Variants in FAM169A observed in about 807,000 individuals in gnomAD.
FAM169A encodes the protein family with sequence similarity 169 member A.
Under a neutral mutation model 75.7 loss-of-function variants are expected in FAM169A, and 24 were observed. That is an observed-to-expected ratio of 0.32 (90% confidence interval 0.23 to 0.45). FAM169A has a LOEUF of 0.45. Among genes scored for constraint, FAM169A ranks in the 20% least tolerant of loss-of-function variants. The probability of loss-of-function intolerance (pLI) is 1.00; values close to 1 mark genes in which losing one functional copy is unlikely to be tolerated. For synonymous variants in FAM169A, 271 were observed against 271.0 expected, an observed-to-expected ratio of 1.00 and a Z score of 0.00; for missense variants, 673 against 784.0, an observed-to-expected ratio of 0.86 and a Z score of 1.69.
chr5:74,839,034 AAGGT>A lies in FAM169A; in HGVS notation c.245_248del (p.Tyr82LeufsTer12). 6.2e-7 allele frequency: 1 copy of A among 1,613,334 alleles called. No individual in the cohort carries two copies. The highest frequency in any genetic ancestry group is 1.1e-5 in the South Asian group (1 of 91,076). On this transcript the variant is annotated frameshift_variant, in exon 4 of 13. Transcript: ENST00000687041. LOFTEE classifies it high-confidence loss of function. ...CATCAATAGCCCACCACTGATCAGC[AAGGT>A]AAAGTGCCACAGCTAAAATAGAATA...
At chr5:74,827,303 TA>T (rs1748085030) in intron 5 of FAM169A, among the ~76,000 whole-genome samples, 1 of 152,176 alleles carries the variant, frequency 6.6e-6, no homozygotes, top group Non-Finnish European at 1.5e-5. Flanking sequence ...ATCAATCTGG[TA>T]ACTGTTACCA....
chr5:74,802,351 T>C (rs1296753902), intron 8 of FAM169A, among the ~76,000 whole-genome samples: 1 of 151,894 alleles, frequency 6.6e-6, no homozygotes, highest in Non-Finnish European at 1.5e-5. Context: ...GACAAAGTGA[T>C]ACTTTCGAAT....
intron 6 of FAM169A, among the ~76,000 whole-genome samples, chr5:74,806,888 C>G (rs530525245): frequency 6.6e-6 from 1 of 152,090 alleles, no homozygotes; most frequent in African/African-American, 2.4e-5. Flanking sequence ...TCTGAGTGGT[C>G]AATAAACAAA....
chr5:74,866,414 T>C, upstream of FAM169A: 1 of 975,124 alleles, frequency 1.0e-6, no homozygotes, highest in East Asian at 1.1e-4. Context: ...CAGCCTTCGC[T>C]TCCGCTCCGC....
intron 11 of FAM169A, among the ~76,000 whole-genome samples, chr5:74,784,902 G>A (rs1203488316): frequency 7.5e-6 from 1 of 133,228 alleles, no homozygotes; most frequent in Non-Finnish European, 1.5e-5. Flanking sequence ...CTGAGCAACA[G>A]AGCAAGACTC....
At chr5:74,812,249 A>G (rs1268219319) in intron 6 of FAM169A, among the ~76,000 whole-genome samples, 3 of 151,890 alleles carry the variant, frequency 2.0e-5, no homozygotes, top group Non-Finnish European at 4.4e-5. Flanking sequence ...TCAGCCCCTC[A>G]AGTAACCGGG....
chr5:74,781,894 A>G lies in FAM169A; in HGVS notation c.1579T>C (p.Ser527Pro). ...LPRKKAHLGS[S>P]DNVATMSNEE... ...TTTGACATAGTAGCAACATTGTCTG[A>G]ACTCCCAAGATGTGCTTTCTTTCTT... The change falls in exon 13 of 13, where the codon TCA (serine) becomes CCA (proline). Residue 527 changes from serine (S) to proline (P), a missense_variant. This residue lies in a region of FAM169A where 510 missense variants were observed against 550.9 expected (regional missense o/e 0.93). Transcript: ENST00000687041. 1 of 1,614,082 alleles carries G rather than the reference A, an allele frequency of 6.2e-7. No individual in the cohort carries two copies. The highest frequency in any genetic ancestry group is 1.3e-5 in the African/African-American group (1 of 75,052).
At chr5:74,838,786 T>C (rs1397238295) in intron 4 of FAM169A, among the ~76,000 whole-genome samples, 179 bp downstream of exon 4, 2 of 152,192 alleles carry the variant, frequency 1.3e-5, no homozygotes, top group Non-Finnish European at 2.9e-5. Context: ...ACTTATAGAA[T>C]CACATAAAAA....
intron 11 of FAM169A, among the ~76,000 whole-genome samples, chr5:74,784,933 A>G (rs561538833): frequency 4.9e-4 from 74 of 151,870 alleles, no homozygotes; most frequent in African/African-American, 1.6e-3. Context: ...AAAAAAAAAA[A>G]AAAATGAAAA....
chr5:74,792,389 C>A (rs1419646928), intron 11 of FAM169A, among the ~76,000 whole-genome samples: 1 of 152,164 alleles, frequency 6.6e-6, no homozygotes, highest in Admixed American at 6.5e-5. Context: ...GAATAAAAAG[C>A]AGGCAGAAGA....
chr5:74,797,784 T>C (rs2112514849), intron 10 of FAM169A, among the ~76,000 whole-genome samples: 1 of 149,320 alleles, frequency 6.7e-6, no homozygotes, highest in East Asian at 2.0e-4. Context: ...AGATAAGGAG[T>C]CAGCAAACCT....
chr5:74,803,534 C>T (rs953454685), intron 8 of FAM169A, among the ~76,000 whole-genome samples: 3 of 152,082 alleles, frequency 2.0e-5, no homozygotes, highest in Non-Finnish European at 4.4e-5. Context: ...AACTTAGATA[C>T]ACACGTACAA....
intron 5 of FAM169A, among the ~76,000 whole-genome samples, chr5:74,829,333 T>C (rs1748193725): frequency 1.3e-5 from 2 of 152,188 alleles, no homozygotes; most frequent in South Asian, 4.1e-4. Context: ...TGCCATGCCA[T>C]AAGATAAAGG....
rs573833024 is a variant in FAM169A at position 74,786,392 on chromosome 5, T to A, written c.1261-3258A>T. 7.9e-5 allele frequency among the ~76,000 whole-genome samples: 12 copies of A among 152,326 alleles called. No homozygotes were observed. In the South Asian group the frequency reaches 2.3e-3, roughly 29 times the overall value. On this transcript the variant is annotated intron_variant, in intron 11 of 12. Coordinates refer to ENST00000687041, the MANE Select transcript of FAM169A (RefSeq NM_001376049.1). ...TTCGTAGGTTTTGGGGTTTCTGAAG[T>A]TGGCTCCTTAATATGATCAGACACC...
At chr5:74,801,126 C>T (rs953426828) in intron 9 of FAM169A, 96 bp from the exon 10 acceptor site, 1 of 918,388 alleles carries the variant, frequency 1.1e-6, no homozygotes. Context: ...CACTAGTTTA[C>T]ACATATCCTC....
intron 3 of FAM169A, among the ~76,000 whole-genome samples, chr5:74,839,590 T>C (rs1748752886): frequency 6.6e-6 from 1 of 151,102 alleles, no homozygotes; most frequent in Admixed American, 6.6e-5. Flanking sequence ...AATGGTGTGA[T>C]CTCAGCTGAC....
At chr5:74,861,468 G>T (rs1270639426) in intron 1 of FAM169A, among the ~76,000 whole-genome samples, 3 of 152,088 alleles carry the variant, frequency 2.0e-5, no homozygotes, top group Non-Finnish European at 2.9e-5. Flanking sequence ...AGACATAGTG[G>T]CTCCCAGCAC....
chr5:74,858,249 G>C (rs1006281475), intron 1 of FAM169A, among the ~76,000 whole-genome samples: 11 of 152,086 alleles, frequency 7.2e-5, no homozygotes, highest in Non-Finnish European at 1.3e-4. Context: ...TTAGCTGGGC[G>C]TGGTGGTAGG....
In FAM169A at chr5:74,799,001, T is replaced by G. The variant is rs1310863065; in HGVS notation, c.1103+1879A>C. ...TTGAAAACACTAAGAATAATGTCACTGCATCAGTTTTTACTAGAGCCAATC... is the reference window on the plus strand; with the variant it reads ...TTGAAAACACTAAGAATAATGTCACGGCATCAGTTTTTACTAGAGCCAATC... On this transcript the variant is annotated intron_variant, in intron 10 of 12. Coordinates refer to ENST00000687041, the MANE Select transcript of FAM169A (RefSeq NM_001376049.1). 2.4e-5 allele frequency: 28 copies of G among 1,187,024 alleles called. No individual in the cohort carries two copies. The South Asian group carries it at 3.4e-4, about 14-fold the overall frequency. 73.5% of individuals were successfully genotyped at this position (1,187,024 alleles called of 1,614,324 possible).
Sources: gnomAD v4.1 joint callset for allele counts (sites outside exome capture counted in the v4.1 genomes callset) on GRCh38, gnomAD v4.1.1 for gene constraint, gnomAD v4.1.1 regional missense constraint, MANE v1.5 for transcripts, NCBI Gene and HGNC (gene_info 2026-07-23, HGNC 2026-07-21) for gene names.